The following PPP4R2 variants were observed in gnomAD, a reference collection of about 807,000 sequenced individuals.
The protein encoded by PPP4R2 is serine/threonine-protein phosphatase 4 regulatory subunit 2.
A neutral mutation model predicts 47.2 loss-of-function variants in PPP4R2; 13 were observed. That is an observed-to-expected ratio of 0.28 (90% CI 0.18 to 0.44). The LOEUF (loss-of-function observed/expected upper bound fraction) is 0.44, where lower values mean the gene tolerates loss of function less well. Among genes scored for constraint, PPP4R2 ranks in the 20% least tolerant of loss-of-function variants. The pLI, the probability that PPP4R2 is intolerant of heterozygous loss-of-function variation, is 1.00. For missense variants in PPP4R2, 421 were observed against 491.2 expected (o/e 0.86, Z 1.35); for synonymous variants, 151 against 163.3 (o/e 0.92, Z 0.57).
At chr3:73,002,624 CTTTTCTTTTCTTTTTTTT>C (rs1701494964) in intron 2 of PPP4R2, among the ~76,000 whole-genome samples, 1 of 67,024 alleles carries the variant, frequency 1.5e-5, no homozygotes, top group Non-Finnish European at 3.0e-5. Context: ...CTTTTCTTTT[CTTTTCTTTTCTTTTTTTT>C]TTTTTTTTTT....
Position 73,061,069 on chromosome 3 carries a change from A to AT in PPP4R2, c.419+15dup. On this transcript the variant is annotated intron_variant, in intron 5 of 8. Coordinates refer to ENST00000356692, the MANE Select transcript of PPP4R2 (RefSeq NM_174907.4). ...GTTTATCCTTCTTCAGAGTAAGTAT[A>AT]TTTTTTCTATTTCTAGTATATTATT... 3 of 1,405,970 alleles carry AT rather than the reference A, an allele frequency of 2.1e-6. No individual in the cohort carries two copies. The highest frequency in any genetic ancestry group is 2.9e-6 in the Non-Finnish European group (3 of 1,025,026). The allele number at this position is 1,405,970 out of a possible 1,614,324, so 87.1% of individuals were successfully genotyped here.
At chr3:73,024,265 A>G (rs961072565) in intron 2 of PPP4R2, among the ~76,000 whole-genome samples, 1 of 152,172 alleles carries the variant, frequency 6.6e-6, no homozygotes, top group Non-Finnish European at 1.5e-5. Context: ...TTTATAATCA[A>G]GGGTAGAAAG....
chr3:73,047,078 T>C, intron 2 of PPP4R2, 108 bp from the exon 3 acceptor site: 1 of 627,484 alleles, frequency 1.6e-6, no homozygotes, highest in Non-Finnish European at 2.6e-6. Flanking sequence ...ATTATTCACA[T>C]CTTAATTTTG....
chr3:73,051,420 A>T (rs1321756178), intron 3 of PPP4R2, among the ~76,000 whole-genome samples: 1 of 152,202 alleles, frequency 6.6e-6, no homozygotes, highest in East Asian at 1.9e-4. Context: ...GAAATGGAAC[A>T]TCTTTTTGTG....
intron 2 of PPP4R2, among the ~76,000 whole-genome samples, chr3:73,020,013 A>G (rs1246909574): frequency 1.3e-5 from 2 of 152,164 alleles, no homozygotes; most frequent in African/African-American, 2.4e-5. Flanking sequence ...CTTCTGCATC[A>G]TATGTCACGA....
chr3:73,026,956 C>T (rs961994872), intron 2 of PPP4R2, among the ~76,000 whole-genome samples: 1 of 152,124 alleles, frequency 6.6e-6, no homozygotes, highest in Admixed American at 6.6e-5. Flanking sequence ...TAACCTGTTT[C>T]GAAGTTGTCT....
chr3:72,998,142 A>G lies in PPP4R2; in HGVS notation c.100A>G (p.Lys34Glu). ...VLDQFLCHVA[K>E]TGETMIQWSQ... The stretch of plus-strand genomic sequence containing the variant: ...GGATCAGTTTCTTTGTCATGTAGCC[A>G]AGACTGGAGAAACAATGTGAGTTGA... The change falls in exon 2 of 9, where the codon AAG becomes GAG. Residue 34 changes from lysine (K) to glutamate (E), a missense_variant. Lys to Glu is a moderately conservative substitution (Grantham distance 56, BLOSUM62 1). Around this residue, in one of 2 missense-constraint regions of PPP4R2, gnomAD observed 104 missense variants for 203.7 expected, o/e 0.51. Transcript: ENST00000356692. 1.9e-6 allele frequency: 3 copies of G among 1,604,640 alleles called. No homozygotes were observed. Among genetic ancestry groups the G allele is most frequent in the Non-Finnish European group, 2.6e-6 (3 of 1,175,776 alleles).
chr3:73,053,908 C>CAAAAAAAA (rs10631666), intron 3 of PPP4R2, among the ~76,000 whole-genome samples: 1 of 103,660 alleles, frequency 9.6e-6, no homozygotes. Flanking sequence ...GACACCATCT[C>CAAAAAAAA]AAAAAAAAAA....
At chr3:73,032,697 A>G (rs954929857) in intron 2 of PPP4R2, among the ~76,000 whole-genome samples, 1 of 152,146 alleles carries the variant, frequency 6.6e-6, no homozygotes, top group African/African-American at 2.4e-5. Context: ...GAAAGTTAAG[A>G]TTTAGTTTCT....
intron 2 of PPP4R2, among the ~76,000 whole-genome samples, chr3:73,003,234 CAG>C (rs1336163578): frequency 3.4e-5 from 5 of 146,226 alleles, no homozygotes; most frequent in Non-Finnish European, 6.0e-5. Context: ...TTTTTTGAGA[CAG>C]AGTCTCACTC....
At chr3:73,057,841 A>G (rs768475432) in intron 3 of PPP4R2, among the ~76,000 whole-genome samples, 1 of 152,138 alleles carries the variant, frequency 6.6e-6, no homozygotes, top group South Asian at 2.1e-4. Flanking sequence ...TTAACTCACT[A>G]ACTACTATAC....
At position 73,067,759 on chromosome 3, in the gene PPP4R2, C is replaced by CAT. The variant is rs1257585044; in HGVS notation, c.*2038_*2039dup. On this transcript the variant is annotated 3_prime_UTR_variant, in exon 9 of 9. Coordinates refer to ENST00000356692, the MANE Select transcript of PPP4R2 (RefSeq NM_174907.4). Reference sequence around the variant, plus strand: ...TGTTGGTTGTAAGTTGAAGATTTAGCATTATGACTTTGAGGTCTGTGGTTT... The same window carrying CAT: ...TGTTGGTTGTAAGTTGAAGATTTAGCATATTATGACTTTGAGGTCTGTGGTTT... 1 of 152,090 alleles carries CAT rather than the reference C, an allele frequency of 6.6e-6. No individual in the cohort carries two copies. Among genetic ancestry groups the CAT allele is most frequent in the Non-Finnish European group, 1.5e-5 (1 of 68,002 alleles). 9.4% of individuals were successfully genotyped at this position (152,090 alleles called of 1,614,324 possible).
At chr3:73,030,668 A>G (rs1006862899) in intron 2 of PPP4R2, among the ~76,000 whole-genome samples, 2 of 149,098 alleles carry the variant, frequency 1.3e-5, no homozygotes, top group Non-Finnish European at 3.0e-5. Flanking sequence ...AACCAACTAT[A>G]TCTGAGGGAG....
At chr3:73,057,581 A>G (rs1702752859) in intron 3 of PPP4R2, among the ~76,000 whole-genome samples, 1 of 152,126 alleles carries the variant, frequency 6.6e-6, no homozygotes, top group African/African-American at 2.4e-5. Context: ...CAAAAGATTG[A>G]TTCTTGGACT....
intron 2 of PPP4R2, among the ~76,000 whole-genome samples, chr3:73,026,054 A>T (rs1702057133): frequency 6.6e-6 from 1 of 152,154 alleles, no homozygotes; most frequent in Admixed American, 6.5e-5. Flanking sequence ...TGTCTAATAT[A>T]TGCTATTAGT....
In PPP4R2 at chr3:72,998,099, G is replaced by C. The variant is rs147908003; in HGVS notation, c.57G>C (p.Lys19Asn). The C allele has an allele frequency of 3.7e-6, 6 of 1,604,670 alleles. No homozygotes were observed. Among genetic ancestry groups the C allele is most frequent in the Non-Finnish European group, 5.1e-6 (6 of 1,177,208 alleles). ...TAGATTTTGAGAAGAGGGGGAAAAAGGAAGTTTGTCCTGTCCTGGATCAGT... is the reference window on the plus strand; with the variant it reads ...TAGATTTTGAGAAGAGGGGGAAAAACGAAGTTTGTCCTGTCCTGGATCAGT... ...ALKDFEKRGK[K>N]EVCPVLDQFL... Residue 19 changes from lysine (K) to asparagine (N), a missense_variant, in exon 2 of 9, where the codon AAG becomes AAC. Coordinates refer to ENST00000356692, the MANE Select transcript of PPP4R2 (RefSeq NM_174907.4).
chr3:73,033,452 C>A (rs1047861997), intron 2 of PPP4R2, among the ~76,000 whole-genome samples: 1 of 152,178 alleles, frequency 6.6e-6, no homozygotes, highest in Non-Finnish European at 1.5e-5. Context: ...TTCAGCAACT[C>A]TTGTGAGTTC....
chr3:73,035,852 C>A (rs1208622502), intron 2 of PPP4R2, among the ~76,000 whole-genome samples: 1 of 152,034 alleles, frequency 6.6e-6, no homozygotes, highest in African/African-American at 2.4e-5. Context: ...TCTTGAACTC[C>A]TGATCCGCCC....
At chr3:73,038,193 A>G (rs979272902) in intron 2 of PPP4R2, among the ~76,000 whole-genome samples, 7 of 152,166 alleles carry the variant, frequency 4.6e-5, no homozygotes, top group African/African-American at 1.7e-4. Flanking sequence ...AGTTTCAGGG[A>G]GGAAGGTAGA....
Sources: gnomAD v4.1 joint callset for allele counts (sites outside exome capture counted in the v4.1 genomes callset) on GRCh38, gnomAD v4.1.1 for gene constraint, gnomAD v4.1.1 regional missense constraint, MANE v1.5 for transcripts, NCBI Gene and HGNC (gene_info 2026-07-23, HGNC 2026-07-21) for gene names.